The following SAMD8 variants were observed in gnomAD, a reference collection of about 807,000 sequenced individuals.
SAMD8 encodes the protein sterile alpha motif domain containing 8, also known as sphingomyelin synthase-related protein 1.
In SAMD8, 20 loss-of-function variants were observed where a neutral mutation model predicts 42.0. The ratio of observed to expected loss-of-function variants is 0.48; its 90% CI spans 0.34 to 0.69. The LOEUF (loss-of-function observed/expected upper bound fraction) is 0.69, where lower values mean the gene tolerates loss of function less well. SAMD8 is among the 30% of genes least tolerant of loss of function. SAMD8 has a pLI of 0.01. For synonymous variants in SAMD8, 162 were observed against 173.0 expected, an observed-to-expected ratio of 0.94 and a Z score of 0.50; for missense variants, 328 against 511.6, an observed-to-expected ratio of 0.64 and a Z score of 3.46.
At chr10:75,115,102 G>C (rs1229869201) in intron 1 of SAMD8, among the ~76,000 whole-genome samples, 1 of 152,146 alleles carries the variant, frequency 6.6e-6, no homozygotes, top group Non-Finnish European at 1.5e-5. Context: ...GGAGAGCCTT[G>C]ATTATTTTCA....
chr10:75,108,280 C>T (rs1388933655), upstream of SAMD8: 3 of 1,521,260 alleles, frequency 2.0e-6, no homozygotes, highest in Admixed American at 6.3e-5. Flanking sequence ...TGCCTGGCCC[C>T]CTGCTGCAGA....
In SAMD8 at chr10:75,176,320, T is replaced by A; in HGVS notation, c.944-68T>A. 1 of 1,597,904 alleles carries A rather than the reference T, an allele frequency of 6.3e-7. No individual in the cohort carries two copies. The highest frequency in any genetic ancestry group is 8.5e-7 in the Non-Finnish European group (1 of 1,171,734). On this transcript the variant is annotated intron_variant, in intron 5 of 5. Coordinates refer to ENST00000542569, the MANE Select transcript of SAMD8 (RefSeq NM_001174156.2). The surrounding 1 kb of genome is among the most constrained non-coding windows in gnomAD (Gnocchi z 4.3). ...TGAAGAATGGCAAAACAGCCTGACC[T>A]GAGAAACGTGACTGAGAAGCATTGG...
intron 3 of SAMD8, among the ~76,000 whole-genome samples, chr10:75,165,977 CAAAAAAAAAAA>C (rs56839743): frequency 1.3e-4 from 8 of 62,532 alleles, no homozygotes; most frequent in African/African-American, 2.3e-4. Context: ...ACCCTGTCTC[CAAAAAAAAAAA>C]AAAAAAAAAA....
intron 1 of SAMD8, among the ~76,000 whole-genome samples, chr10:75,128,475 G>A (rs931168254): frequency 4.6e-5 from 7 of 152,084 alleles, no homozygotes; most frequent in African/African-American, 1.7e-4. Flanking sequence ...GCCTCCCAAA[G>A]TGTTGGGATT....
chr10:75,150,036 G>A (rs190384067), intron 1 of SAMD8, among the ~76,000 whole-genome samples: 198 of 151,574 alleles, frequency 1.3e-3, no homozygotes, highest in Middle Eastern at 0.01. Flanking sequence ...TCTGGGGTGC[G>A]TGTGTGTATA....
At chr10:75,117,892 A>G (rs1275433299) in intron 1 of SAMD8, among the ~76,000 whole-genome samples, 1 of 152,212 alleles carries the variant, frequency 6.6e-6, no homozygotes, top group Middle Eastern at 3.2e-3. Flanking sequence ...CATCGTGGAA[A>G]AATTTTTGGT....
intron 2 of SAMD8, among the ~76,000 whole-genome samples, chr10:75,156,392 A>G (rs1299472653): frequency 6.6e-6 from 1 of 152,212 alleles, no homozygotes; most frequent in Non-Finnish European, 1.5e-5. Flanking sequence ...TATTCAGGCA[A>G]GTCATCAGTA....
At chr10:75,129,400 C>G (rs1049398471) in intron 1 of SAMD8, among the ~76,000 whole-genome samples, 2 of 152,188 alleles carry the variant, frequency 1.3e-5, no homozygotes, top group African/African-American at 4.8e-5. Flanking sequence ...ACCACCACAC[C>G]CAGATAATTT....
intron 2 of SAMD8, among the ~76,000 whole-genome samples, chr10:75,161,852 C>T (rs1234950955): frequency 6.6e-6 from 1 of 152,068 alleles, no homozygotes; most frequent in Non-Finnish European, 1.5e-5. Context: ...GCCTGGCCAA[C>T]ATGGGAAAAC....
chr10:75,170,061 ATCTCT>A (rs756509553), intron 4 of SAMD8, among the ~76,000 whole-genome samples: 11 of 152,330 alleles, frequency 7.2e-5, no homozygotes, highest in East Asian at 1.9e-4. Context: ...TACTGTAGAC[ATCTCT>A]TCTCATTAAA....
intron 2 of SAMD8, among the ~76,000 whole-genome samples, chr10:75,154,919 G>T (rs1307476885): frequency 4.6e-5 from 7 of 151,948 alleles, no homozygotes; most frequent in African/African-American, 7.3e-5. Flanking sequence ...TTGAGACAGG[G>T]TCTCACTCTG....
At chr10:75,175,576 T>C (rs1033429130) in intron 4 of SAMD8, among the ~76,000 whole-genome samples, 22 of 152,086 alleles carry the variant, frequency 1.4e-4, no homozygotes, top group Non-Finnish European at 2.6e-4. Context: ...TGAGACAGAG[T>C]CTTACTGTGT....
At chr10:75,134,790 C>CT (rs1564681289) in intron 1 of SAMD8, among the ~76,000 whole-genome samples, 3 of 152,096 alleles carry the variant, frequency 2.0e-5, no homozygotes, top group African/African-American at 7.2e-5. Flanking sequence ...GGTGTGGTGG[C>CT]TTATGCCTGT....
In SAMD8 at chr10:75,133,160, G is replaced by A. The variant is rs142789607; in HGVS notation, c.-15-17354G>A. Among the ~76,000 whole-genome samples, 62 of 152,102 alleles carry A rather than the reference G, an allele frequency of 4.1e-4. 1 individual carries two copies. Among genetic ancestry groups the A allele is most frequent in the African/African-American group, 1.4e-3 (59 of 41,482 alleles). On this transcript the variant is annotated intron_variant, in intron 1 of 5. Coordinates refer to ENST00000542569, the MANE Select transcript of SAMD8 (RefSeq NM_001174156.2). Reference sequence around the variant, plus strand: ...TCACGCCTGTAATCCCAGCACTTTGGGAGGCTGAGGCAGGCAGATTGCTGG... The same window carrying A: ...TCACGCCTGTAATCCCAGCACTTTGAGAGGCTGAGGCAGGCAGATTGCTGG...
At chr10:75,105,620 T>G in intron 1 of SAMD8, 1 of 1,529,630 alleles carries the variant, frequency 6.5e-7, no homozygotes, top group South Asian at 1.2e-5. Flanking sequence ...ACCTGGCCTC[T>G]TCCGGCCAAC....
chr10:75,127,142 T>C (rs2134438835), intron 1 of SAMD8, among the ~76,000 whole-genome samples: 1 of 150,508 alleles, frequency 6.6e-6, no homozygotes, highest in South Asian at 2.1e-4. Context: ...TAAGCTGAGA[T>C]TGCGCCACCG....
intron 1 of SAMD8, among the ~76,000 whole-genome samples, chr10:75,119,517 C>A (rs932489310): frequency 2.0e-5 from 3 of 152,140 alleles, no homozygotes; most frequent in Admixed American, 6.5e-5. Context: ...CCTTTAGGGG[C>A]ATTTGAATGT....
At chr10:75,153,469 G>A (rs1840338382) in intron 2 of SAMD8, among the ~76,000 whole-genome samples, 1 of 151,754 alleles carries the variant, frequency 6.6e-6, no homozygotes. Flanking sequence ...AAACTAGCTG[G>A]ATGTGGTGGC....
At position 75,181,820 on chromosome 10, in the gene SAMD8, T is replaced by A. The variant is rs1320426246; in HGVS notation, c.*5128T>A. ...ATGTATTATTAGAAAAATGAAGTAT[T>A]TCTGACATGGAACAAAGAAAGTGGA... On this transcript the variant is annotated 3_prime_UTR_variant, in exon 6 of 6. Coordinates refer to ENST00000542569, the MANE Select transcript of SAMD8 (RefSeq NM_001174156.2). 6.6e-6 allele frequency: 1 copy of A among 152,202 alleles called. No homozygotes were observed. Among genetic ancestry groups the A allele is most frequent in the Non-Finnish European group, 1.5e-5 (1 of 68,030 alleles). 9.4% of individuals were successfully genotyped at this position (152,202 alleles called of 1,614,324 possible).
Sources: allele counts gnomAD v4.1 joint callset (sites outside exome capture counted in the v4.1 genomes callset), GRCh38; gene constraint gnomAD v4.1.1; non-coding constraint Gnocchi (gnomAD v3.1); transcripts MANE v1.5; gene names NCBI Gene and HGNC (gene_info 2026-07-23, HGNC 2026-07-21).